Variants in MAPK8 observed in about 807,000 individuals in gnomAD.
MAPK8 encodes JUN N-terminal kinase.
A neutral mutation model predicts 52.9 loss-of-function variants in MAPK8; 13 were observed. The observed-to-expected ratio is 0.25, with a 90% CI of 0.16 to 0.39. The LOEUF is 0.39. MAPK8 is among the 10% of genes least tolerant of loss of function. MAPK8 has a pLI of 1.00. For missense variants in MAPK8, 300 were observed against 519.2 expected (o/e 0.58, Z 4.10); for synonymous variants, 191 against 169.8 (o/e 1.12, Z -0.97).
At chr10:48,402,487 T>C (rs2042211031) in intron 2 of MAPK8, among the ~76,000 whole-genome samples, 1 of 152,218 alleles carries the variant, frequency 6.6e-6, no homozygotes, top group South Asian at 2.1e-4. Context: ...ATTTATTAGC[T>C]AATTTCTACA....
intron 2 of MAPK8, among the ~76,000 whole-genome samples, chr10:48,404,525 C>T (rs1318058140): frequency 1.3e-5 from 2 of 152,154 alleles, no homozygotes; most frequent in African/African-American, 4.8e-5. Flanking sequence ...AGGCTTTAGG[C>T]TATCTAGTGG....
At chr10:48,357,122 T>A (rs1484600506) in intron 1 of MAPK8, among the ~76,000 whole-genome samples, 2 of 152,108 alleles carry the variant, frequency 1.3e-5, no homozygotes. Context: ...GAAAAAGACA[T>A]TCATAATCAC....
At chr10:48,424,368 CAG>C (rs2043545211) in intron 7 of MAPK8, 1 of 646,464 alleles carries the variant, frequency 1.5e-6, no homozygotes, top group Non-Finnish European at 2.6e-6. Flanking sequence ...TGCTGGTAGT[CAG>C]AGCACATTCA....
chr10:48,384,615 C>T (rs1018930877), intron 1 of MAPK8, among the ~76,000 whole-genome samples: 7 of 152,158 alleles, frequency 4.6e-5, no homozygotes, highest in Non-Finnish European at 7.3e-5. Context: ...TGAAGGGTTA[C>T]CCCTAGGTTA....
intron 1 of MAPK8, among the ~76,000 whole-genome samples, chr10:48,331,247 G>A (rs114416726): frequency 0.011 from 1,696 of 152,214 alleles, 35 homozygotes; most frequent in African/African-American, 0.039. Context: ...TTCCCACAAG[G>A]TAAGACCTGG....
intron 3 of MAPK8, among the ~76,000 whole-genome samples, chr10:48,405,461 G>GA (rs1311408737): frequency 3.9e-5 from 6 of 152,302 alleles, no homozygotes; most frequent in African/African-American, 1.4e-4. Context: ...ATCACTTTAT[G>GA]ATGAGGATAG....
At chr10:48,356,670 C>G (rs372042273) in intron 1 of MAPK8, among the ~76,000 whole-genome samples, 1 of 151,382 alleles carries the variant, frequency 6.6e-6, no homozygotes, top group South Asian at 2.1e-4. Context: ...GGTGAAACCC[C>G]GTCTTCACTA....
At chr10:48,315,702 C>CTAATTAGTTAATATTTT (rs1842433626) in intron 1 of MAPK8, among the ~76,000 whole-genome samples, 1 of 149,434 alleles carries the variant, frequency 6.7e-6, no homozygotes, top group Non-Finnish European at 1.5e-5. Context: ...GTTAATATTT[C>CTAATTAGTTAATATTTT]ATATATTAAA....
At position 48,437,633 on chromosome 10, in the gene MAPK8, A is replaced by C. The variant is rs948388636; in HGVS notation, c.*2604A>C. ...TGTGTTGTTGGGATCACTTAGTTAT[A>C]CTATACGCAGATAGAGCATCTCAAC... On this transcript the variant is annotated 3_prime_UTR_variant, in exon 12 of 12. Coordinates refer to ENST00000374189, the MANE Select transcript of MAPK8 (RefSeq NM_001323329.2). 3.9e-5 allele frequency: 6 copies of C among 152,162 alleles called. No homozygotes were observed. Among genetic ancestry groups the C allele is most frequent in the African/African-American group, 1.4e-4 (6 of 41,426 alleles). 9.4% of individuals were successfully genotyped at this position (152,162 alleles called of 1,614,324 possible).
chr10:48,417,702 A>T (rs767930456), intron 5 of MAPK8, among the ~76,000 whole-genome samples: 37 of 152,344 alleles, frequency 2.4e-4, no homozygotes, highest in Middle Eastern at 6.8e-3. Flanking sequence ...CAAGTGACTG[A>T]ACCTATCGAT....
chr10:48,435,059 T>TGTG lies in MAPK8; in HGVS notation c.*31_*32insTGG. 6 of 448,004 alleles carry TGTG rather than the reference T, an allele frequency of 1.3e-5. No homozygotes were observed. Among genetic ancestry groups the TGTG allele is most frequent in the Non-Finnish European group, 2.2e-5 (5 of 230,988 alleles). 27.8% of individuals were successfully genotyped at this position (448,004 alleles called of 1,614,324 possible). A position where few individuals can be genotyped will look rare whatever the true frequency, so the allele number is the denominator to read the frequency against. On this transcript the variant is annotated 3_prime_UTR_variant, in exon 12 of 12. Coordinates refer to ENST00000374189, the MANE Select transcript of MAPK8 (RefSeq NM_001323329.2). ...TTGGGCCATCGGGGGGTGGGAGGGA[T>TGTG]GGGGAGTCGGTTAGTCATTGATAGA...
Position 48,435,741 on chromosome 10 carries a change from A to C in MAPK8, c.*712A>C, listed in dbSNP as rs1333264001. On this transcript the variant is annotated 3_prime_UTR_variant, in exon 12 of 12. Coordinates refer to ENST00000374189, the MANE Select transcript of MAPK8 (RefSeq NM_001323329.2). ...TACCACCACCTTATGTCCCCACCCT[A>C]CCCAACAAAAATAAGTAAAAAGAAT... is the stretch of plus-strand genomic sequence containing the variant. 6.6e-6 allele frequency: 1 copy of C among 152,232 alleles called. No individual in the cohort carries two copies. Among genetic ancestry groups the C allele is most frequent in the Non-Finnish European group, 1.5e-5 (1 of 68,042 alleles). The allele number at this position is 152,232 out of a possible 1,614,324, so 9.4% of individuals were successfully genotyped here.
intron 1 of MAPK8, among the ~76,000 whole-genome samples, chr10:48,316,186 A>G (rs970137680): frequency 2.6e-5 from 4 of 152,250 alleles, no homozygotes; most frequent in Non-Finnish European, 5.9e-5. Context: ...CAGACCACAT[A>G]TGTGACAGTG....
At chr10:48,355,186 G>T (rs1238518777) in intron 1 of MAPK8, among the ~76,000 whole-genome samples, 2 of 152,170 alleles carry the variant, frequency 1.3e-5, no homozygotes, top group Non-Finnish European at 2.9e-5. Context: ...TTATACAATT[G>T]AAAATTATAG....
chr10:48,357,344 T>C (rs1459529116), intron 1 of MAPK8, among the ~76,000 whole-genome samples: 1 of 152,208 alleles, frequency 6.6e-6, no homozygotes, highest in Non-Finnish European at 1.5e-5. Flanking sequence ...CCGCTATCTT[T>C]ATGGTTTGCT....
intron 1 of MAPK8, among the ~76,000 whole-genome samples, chr10:48,336,376 A>T (rs918911645): frequency 6.6e-6 from 1 of 152,148 alleles, no homozygotes; most frequent in African/African-American, 2.4e-5. Flanking sequence ...TTAAATTTGC[A>T]GTAAAAAAGT....
chr10:48,375,486 A>G (rs554141305), intron 1 of MAPK8, among the ~76,000 whole-genome samples: 1 of 57,426 alleles, frequency 1.7e-5, no homozygotes, highest in East Asian at 5.2e-4. Context: ...TATATTTAAA[A>G]AAACCCCATT....
At chr10:48,429,815 A>G (rs771190493) in intron 10 of MAPK8, 7 of 152,182 alleles carry the variant, frequency 4.6e-5, no homozygotes, top group Admixed American at 6.5e-5. Flanking sequence ...TAAATGTCAT[A>G]CTCTGTAATC....
At chr10:48,429,682 T>C (rs1463054827) in intron 10 of MAPK8, among the ~76,000 whole-genome samples, 8 of 151,258 alleles carry the variant, frequency 5.3e-5, no homozygotes, top group African/African-American at 1.9e-4. Context: ...CCATCTCTTA[T>C]TCTCTCCTTT....
Sources: gnomAD v4.1 joint callset for allele counts (sites outside exome capture counted in the v4.1 genomes callset) on GRCh38, gnomAD v4.1.1 for gene constraint, MANE v1.5 for transcripts, NCBI Gene and HGNC (gene_info 2026-07-23, HGNC 2026-07-21) for gene names.